The following TLK1 variants were observed in gnomAD, a reference collection of about 807,000 sequenced individuals.
TLK1 encodes the protein tousled like kinase 1.
A neutral mutation model predicts 105.3 loss-of-function variants in TLK1; 24 were observed. The ratio of observed to expected loss-of-function variants is 0.23; its 90% CI spans 0.17 to 0.32. The LOEUF is 0.32. Among genes scored for constraint, TLK1 ranks in the 10% least tolerant of loss-of-function variants. The pLI is 1.00. For synonymous variants in TLK1, 321 were observed against 310.4 expected (o/e 1.03, Z -0.36); for missense variants, 558 against 910.5 (o/e 0.61, Z 4.98).
upstream of TLK1, among the ~76,000 whole-genome samples, chr2:171,164,412 A>G (rs896605163): frequency 6.6e-6 from 1 of 152,198 alleles, no homozygotes; most frequent in African/African-American, 2.4e-5. Flanking sequence ...GGAAGTACTC[A>G]GGAGGCCAAG....
intron 11 of TLK1, among the ~76,000 whole-genome samples, chr2:171,043,784 T>C (rs551494273): frequency 6.6e-6 from 1 of 152,224 alleles, no homozygotes; most frequent in East Asian, 1.9e-4. Context: ...CTCACTATGT[T>C]GGCCAGGCTG....
intron 1 of TLK1, among the ~76,000 whole-genome samples, chr2:171,138,032 T>C (rs1390543073): frequency 6.6e-6 from 1 of 152,074 alleles, no homozygotes; most frequent in African/African-American, 2.4e-5. Context: ...AGGCATCCTA[T>C]AAAAGTTAAA....
chr2:171,012,356 G>GA (rs575364215), intron 13 of TLK1, among the ~76,000 whole-genome samples: 126 of 152,164 alleles, frequency 8.3e-4, no homozygotes, highest in South Asian at 5.0e-3. Flanking sequence ...CTGATGCACA[G>GA]AAAAGTTAAG....
chr2:171,036,797 G>A (rs1483253444), intron 11 of TLK1, among the ~76,000 whole-genome samples: 1 of 152,164 alleles, frequency 6.6e-6, no homozygotes, highest in Non-Finnish European at 1.5e-5. Context: ...ATGGGATTTA[G>A]ATGTGATGTC....
intron 1 of TLK1, among the ~76,000 whole-genome samples, chr2:171,126,444 T>C (rs984659280): frequency 6.6e-6 from 1 of 152,200 alleles, no homozygotes; most frequent in South Asian, 2.1e-4. Flanking sequence ...TAGAACATAT[T>C]ACTAGTTCTG....
At chr2:171,128,853 T>A (rs1690977935) in intron 1 of TLK1, among the ~76,000 whole-genome samples, 1 of 152,152 alleles carries the variant, frequency 6.6e-6, no homozygotes, top group Non-Finnish European at 1.5e-5. Flanking sequence ...AGTCCTGATT[T>A]TAAAAATAAA....
At chr2:171,165,833 C>CT (rs1692598202), upstream of TLK1, among the ~76,000 whole-genome samples, 1 of 152,134 alleles carries the variant, frequency 6.6e-6, no homozygotes, top group Non-Finnish European at 1.5e-5. Flanking sequence ...ATTGCTTGAA[C>CT]CCAGGAGGCG....
chr2:171,125,212 T>C (rs910906770), intron 1 of TLK1, among the ~76,000 whole-genome samples: 14 of 152,226 alleles, frequency 9.2e-5, no homozygotes, highest in African/African-American at 3.1e-4. Flanking sequence ...AATTATGCTG[T>C]GATGAGATAT....
intron 1 of TLK1, among the ~76,000 whole-genome samples, chr2:171,126,672 A>C (rs1690879765): frequency 6.6e-6 from 1 of 152,110 alleles, no homozygotes; most frequent in East Asian, 1.9e-4. Flanking sequence ...CTAATAGTAG[A>C]TTCAATTGCT....
chr2:171,025,877 T>C (rs1685747508), intron 12 of TLK1, among the ~76,000 whole-genome samples: 1 of 152,196 alleles, frequency 6.6e-6, no homozygotes, highest in African/African-American at 2.4e-5. Flanking sequence ...TGCTCTAAGG[T>C]GACATTACTT....
intron 13 of TLK1, 29 bp downstream of exon 13, chr2:171,014,822 G>C: frequency 6.6e-7 from 1 of 1,520,724 alleles, no homozygotes; most frequent in Non-Finnish European, 9.1e-7. Flanking sequence ...TTAATAATAT[G>C]AAACTGTGAA....
chr2:171,049,196 T>C (rs550038142), intron 10 of TLK1, among the ~76,000 whole-genome samples: 1 of 152,282 alleles, frequency 6.6e-6, no homozygotes, highest in South Asian at 2.1e-4. Context: ...ACCTGAGTGG[T>C]GGGTTCAATT....
chr2:171,056,130 T>C (rs1687489740), intron 6 of TLK1, among the ~76,000 whole-genome samples: 1 of 152,042 alleles, frequency 6.6e-6, no homozygotes, highest in Admixed American at 6.6e-5. Context: ...ATTCAATTGT[T>C]AAGAAAGTTA....
At chr2:171,119,361 C>T (rs779487838) in intron 1 of TLK1, among the ~76,000 whole-genome samples, 3 of 152,206 alleles carry the variant, frequency 2.0e-5, no homozygotes, top group African/African-American at 4.8e-5. Context: ...GTTCCCCCCA[C>T]CACCTTCTTG....
intron 1 of TLK1, among the ~76,000 whole-genome samples, chr2:171,205,536 C>G (rs1048485799): frequency 6.6e-6 from 1 of 152,216 alleles, no homozygotes; most frequent in African/African-American, 2.4e-5. Context: ...GTTGCCCAGG[C>G]TGGTCTCCAA....
intron 2 of TLK1, among the ~76,000 whole-genome samples, chr2:171,099,000 C>G (rs1265811395): frequency 1.3e-5 from 2 of 152,154 alleles, no homozygotes; most frequent in Non-Finnish European, 2.9e-5. Flanking sequence ...GCACTCACAG[C>G]TTTCCTCTCT....
chr2:171,084,947 A>T (rs1173217569), intron 2 of TLK1, among the ~76,000 whole-genome samples: 7 of 152,218 alleles, frequency 4.6e-5, no homozygotes, highest in Non-Finnish European at 1.5e-5. Context: ...AAAAACAGGG[A>T]CATTTTTGAA....
chr2:171,203,974 C>A (rs1302929839), intron 1 of TLK1, among the ~76,000 whole-genome samples: 1 of 151,940 alleles, frequency 6.6e-6, no homozygotes, highest in Non-Finnish European at 1.5e-5. Context: ...ATCGCTTGAA[C>A]CGGTGGGGGG....
At chr2:171,211,220 C>G (rs1424363645) in intron 1 of TLK1, among the ~76,000 whole-genome samples, 1 of 152,180 alleles carries the variant, frequency 6.6e-6, no homozygotes, top group African/African-American at 2.4e-5. Context: ...GCTGTAGAGC[C>G]TTTCATGCGA....
Sources: allele counts gnomAD v4.1 joint callset (sites outside exome capture counted in the v4.1 genomes callset), GRCh38; gene constraint gnomAD v4.1.1; transcripts MANE v1.5; gene names NCBI Gene and HGNC (gene_info 2026-07-23, HGNC 2026-07-21).